BICC1: variants seen among roughly 807,000 people sequenced by gnomAD.
BICC1 encodes the protein protein bicaudal C homolog 1.
Under a neutral mutation model 111.0 loss-of-function variants are expected in BICC1, and 43 were observed. That is an observed-to-expected ratio of 0.39 (90% confidence interval 0.30 to 0.50). The LOEUF (loss-of-function observed/expected upper bound fraction) is 0.50, where lower values mean the gene tolerates loss of function less well. Among genes scored for constraint, BICC1 ranks in the 20% least tolerant of loss-of-function variants. The probability of loss-of-function intolerance (pLI) is 0.88; values close to 1 mark genes in which losing one functional copy is unlikely to be tolerated. For missense variants in BICC1, 1,091 were observed against 1,203.2 expected (o/e 0.91, Z 1.38); for synonymous variants, 467 against 434.4 (o/e 1.07, Z -0.93).
At chr10:58,644,538 C>T (rs1838212305) in intron 2 of BICC1, among the ~76,000 whole-genome samples, 1 of 152,180 alleles carries the variant, frequency 6.6e-6, no homozygotes, top group Non-Finnish European at 1.5e-5. Flanking sequence ...GCATGTGTAT[C>T]CTATACGTGC....
intron 3 of BICC1, among the ~76,000 whole-genome samples, chr10:58,748,509 T>C (rs538094532): frequency 6.6e-6 from 1 of 152,182 alleles, no homozygotes; most frequent in Non-Finnish European, 1.5e-5. Flanking sequence ...TCATTGTTTC[T>C]CTAAGTTTGT....
chr10:58,589,959 C>A (rs1844556060), intron 1 of BICC1, among the ~76,000 whole-genome samples: 1 of 152,076 alleles, frequency 6.6e-6, no homozygotes, highest in South Asian at 2.1e-4. Flanking sequence ...ATGCACACCC[C>A]TTTGCCTGGC....
chr10:58,611,736 C>T (rs1454168266), intron 1 of BICC1, among the ~76,000 whole-genome samples: 1 of 151,892 alleles, frequency 6.6e-6, no homozygotes, highest in African/African-American at 2.4e-5. Context: ...GTGATCCTCC[C>T]ACCTCGGCCT....
At chr10:58,770,631 A>T (rs1019174168) in intron 3 of BICC1, among the ~76,000 whole-genome samples, 4 of 152,210 alleles carry the variant, frequency 2.6e-5, no homozygotes, top group African/African-American at 4.8e-5. Context: ...AATATAAGAC[A>T]TTTTATTATA....
At chr10:58,786,786 T>A in intron 4 of BICC1, 137 bp from the exon 5 acceptor site, 1 of 472,102 alleles carries the variant, frequency 2.1e-6, no homozygotes, top group Non-Finnish European at 3.5e-6. Context: ...CACTTATAGA[T>A]TAAGATGATC....
At chr10:58,726,286 T>C (rs1020752603) in intron 3 of BICC1, among the ~76,000 whole-genome samples, 2 of 152,210 alleles carry the variant, frequency 1.3e-5, no homozygotes, top group African/African-American at 4.8e-5. Flanking sequence ...TTACATAATT[T>C]ATTGAACACT....
At chr10:58,764,190 G>T (rs35113319) in intron 3 of BICC1, among the ~76,000 whole-genome samples, 70,360 of 151,920 alleles carry the variant, frequency 0.46, 16,441 homozygotes, top group Admixed American at 0.57. Context: ...ATAGCCAGTT[G>T]CCTACATTAG....
At position 58,668,389 on chromosome 10, in the gene BICC1, A is replaced by AT. The variant is rs530917963; in HGVS notation, c.238-33676dup. Among the ~76,000 whole-genome samples the AT allele has an allele frequency of 3.4e-3, 510 of 151,620 alleles. 2 individuals are homozygous for AT. Among genetic ancestry groups the AT allele is most frequent in the Non-Finnish European group, 5.4e-3 (365 of 67,768 alleles). On this transcript the variant is annotated intron_variant, in intron 2 of 20. Coordinates refer to ENST00000373886, the MANE Select transcript of BICC1 (RefSeq NM_001080512.3). ...GCTTAAAACTTATACTTTTCACTCA[A>AT]TTTTTTTTTCCAGATGAATTCACAG...
At chr10:58,718,655 A>G (rs1333003151) in intron 3 of BICC1, among the ~76,000 whole-genome samples, 1 of 152,198 alleles carries the variant, frequency 6.6e-6, no homozygotes, top group Admixed American at 6.5e-5. Flanking sequence ...TTGAAGGACT[A>G]TAGGAAAGTA....
intron 2 of BICC1, among the ~76,000 whole-genome samples, chr10:58,621,909 T>TGAAC (rs1845822719): frequency 1.2e-5 from 1 of 85,694 alleles, no homozygotes; most frequent in African/African-American, 5.0e-5. Context: ...AAAATTAGAA[T>TGAAC]AGAATAGAAT....
At chr10:58,547,522 T>G (rs926965451) in intron 1 of BICC1, among the ~76,000 whole-genome samples, 2 of 152,124 alleles carry the variant, frequency 1.3e-5, no homozygotes, top group Non-Finnish European at 2.9e-5. Flanking sequence ...ATCAGGTTCC[T>G]CCATTGTAAT....
At chr10:58,780,257 A>T (rs1362899836) in intron 3 of BICC1, among the ~76,000 whole-genome samples, 1 of 152,214 alleles carries the variant, frequency 6.6e-6, no homozygotes, top group Non-Finnish European at 1.5e-5. Context: ...CCAGATTTGA[A>T]GCCATTTATA....
chr10:58,567,817 T>A (rs1268791953), intron 1 of BICC1, among the ~76,000 whole-genome samples: 1 of 152,020 alleles, frequency 6.6e-6, no homozygotes, highest in Non-Finnish European at 1.5e-5. Context: ...GAAGTGTGAA[T>A]ACCCAGGGAA....
At chr10:58,564,443 T>C (rs1043504495) in intron 1 of BICC1, among the ~76,000 whole-genome samples, 2 of 152,232 alleles carry the variant, frequency 1.3e-5, no homozygotes. Context: ...GAACCTATTT[T>C]ATGGATGAAG....
At chr10:58,714,902 A>G (rs1267270099) in intron 3 of BICC1, among the ~76,000 whole-genome samples, 2 of 151,866 alleles carry the variant, frequency 1.3e-5, no homozygotes, top group African/African-American at 2.4e-5. Context: ...AGTGGCAACA[A>G]TACAGGATTA....
intron 2 of BICC1, among the ~76,000 whole-genome samples, chr10:58,680,293 T>A (rs1312381080): frequency 6.6e-6 from 1 of 152,172 alleles, no homozygotes; most frequent in East Asian, 1.9e-4. Flanking sequence ...AACCCCGTCA[T>A]CTCAGCCCAA....
chr10:58,818,129 C>G (rs1844151892), intron 19 of BICC1, among the ~76,000 whole-genome samples: 1 of 152,142 alleles, frequency 6.6e-6, no homozygotes, highest in Non-Finnish European at 1.5e-5. Flanking sequence ...TGAAATATCT[C>G]TGGCTGTTTT....
chr10:58,787,469 G>C (rs1310015089), intron 5 of BICC1, among the ~76,000 whole-genome samples: 1 of 152,132 alleles, frequency 6.6e-6, no homozygotes, highest in Non-Finnish European at 1.5e-5. Flanking sequence ...CACCTTCTGA[G>C]GAGCAGTGCA....
intron 1 of BICC1, among the ~76,000 whole-genome samples, chr10:58,575,615 G>A (rs1319585453): frequency 6.6e-6 from 1 of 151,828 alleles, no homozygotes; most frequent in Non-Finnish European, 1.5e-5. Flanking sequence ...AAGAAATAGG[G>A]TCTCGCTATG....
Sources: gnomAD v4.1 joint callset for allele counts (sites outside exome capture counted in the v4.1 genomes callset) on GRCh38, gnomAD v4.1.1 for gene constraint, MANE v1.5 for transcripts, NCBI Gene and HGNC (gene_info 2026-07-23, HGNC 2026-07-21) for gene names.